GTPBP2: variants seen among roughly 807,000 people sequenced by gnomAD.
GTPBP2 encodes GTP-binding protein 2.
A neutral mutation model predicts 63.0 loss-of-function variants in GTPBP2; 32 were observed. The ratio of observed to expected loss-of-function variants is 0.51; its 90% confidence interval spans 0.38 to 0.68. The LOEUF (loss-of-function observed/expected upper bound fraction) is 0.68. GTPBP2 is among the 30% of genes least tolerant of loss of function. GTPBP2 has a pLI of 0.00. For missense variants in GTPBP2, 492 were observed against 796.9 expected (o/e 0.62, Z 4.61); for synonymous variants, 310 against 322.6 (o/e 0.96, Z 0.42).
At position 43,626,313 on chromosome 6, in the gene GTPBP2, A is replaced by G; in HGVS notation, c.311T>C (p.Ile104Thr). The G allele has an allele frequency of 1.2e-6, 2 of 1,613,728 alleles. No individual in the cohort carries two copies. The highest frequency in any genetic ancestry group is 1.7e-6 in the Non-Finnish European group (2 of 1,179,604). The change falls in exon 3 of 12, where the codon ATT becomes ACT. Residue 104 changes from isoleucine (I) to threonine (T), a missense_variant. Coordinates refer to ENST00000307126, the MANE Select transcript of GTPBP2 (RefSeq NM_019096.5). The surrounding 1 kb of genome is among the most constrained non-coding windows in gnomAD (Gnocchi z 4.0). The stretch of plus-strand genomic sequence containing the variant: ...CAGCAGCCCATTGTCCTCTACCCCA[A>G]TCTGGTAGACGGCCTCACCACGTCC... ...QEGRGEAVYQIGVEDNGLLVG... is the reference protein window; with the variant it reads ...QEGRGEAVYQTGVEDNGLLVG...
In GTPBP2 at chr6:43,629,129, A is replaced by AGCC. The variant is rs1769710788; in HGVS notation, c.31_33dup (p.Gly11dup). 1.4e-6 allele frequency: 2 copies of AGCC among 1,471,532 alleles called. No homozygotes were observed. The highest frequency in any genetic ancestry group is 1.8e-6 in the Non-Finnish European group (2 of 1,112,150). 91.2% of individuals were successfully genotyped at this position (1,471,532 alleles called of 1,614,324 possible). ...GCCGGGCCCCCTCCGGGCCGGCAGC[A>AGCC]GCCGCCGAACAGCTCCGATACCCGC... On this transcript the variant is annotated inframe_insertion, in exon 1 of 12. Transcript: ENST00000307126.
intron 1 of GTPBP2, among the ~76,000 whole-genome samples, chr6:43,628,293 G>A (rs1040982037): frequency 6.6e-6 from 1 of 152,192 alleles, no homozygotes; most frequent in Non-Finnish European, 1.5e-5. Flanking sequence ...GAGAACCCGG[G>A]AGGCCGAGGT....
rs1208269604 is a variant in GTPBP2 at position 43,629,095 on chromosome 6, C to T, written c.68G>A (p.Gly23Glu). 3.2e-6 allele frequency: 5 copies of T among 1,569,502 alleles called. No homozygotes were observed. Among genetic ancestry groups the T allele is most frequent in the Non-Finnish European group, 4.3e-6 (5 of 1,160,738 alleles). The change falls in exon 1 of 12, where the codon GGA becomes GAA. Residue 23 changes from glycine (G) to glutamate (E), a missense_variant. Around this residue, in one of 2 missense-constraint regions of GTPBP2, gnomAD observed 92 missense variants for 86.1 expected, o/e 1.07. Coordinates refer to ENST00000307126, the MANE Select transcript of GTPBP2 (RefSeq NM_019096.5). ...CRPGGGPAVG[G>E]TLKARGAGSS... Reference sequence around the variant, plus strand: ...GCCGGCCCCCCTAGCCTTGAGGGTTCCGCCCACGGCCGGGCCCCCTCCGGG... The same window carrying T: ...GCCGGCCCCCCTAGCCTTGAGGGTTTCGCCCACGGCCGGGCCCCCTCCGGG...
chr6:43,624,765 A>C lies in GTPBP2; in HGVS notation c.881-36T>G. The C allele has an allele frequency of 6.2e-7, 1 of 1,600,204 alleles. No homozygotes were observed. The highest frequency in any genetic ancestry group is 8.6e-7 in the Non-Finnish European group (1 of 1,168,142). On this transcript the variant is annotated intron_variant, in intron 6 of 11. Transcript: ENST00000307126. The surrounding 1 kb of genome is among the most constrained non-coding windows in gnomAD (Gnocchi z 5.1). ...AGGACAGCAAGCAGCAGGAGAGAAG[A>C]GTGAGAATGCAGGAGGGAGGAGAGG... is the stretch of plus-strand genomic sequence containing the variant.
chr6:43,624,915 G>A lies in GTPBP2; in HGVS notation c.853C>T (p.Leu285Phe), dbSNP rs1228428698. The change falls in exon 6 of 12, where the codon CTC becomes TTC. Residue 285 changes from leucine (L) to phenylalanine (F), a missense_variant. Coordinates refer to ENST00000307126, the MANE Select transcript of GTPBP2 (RefSeq NM_019096.5). This position sits in a 1 kb window ranked among gnomAD's most constrained non-coding sequence, Gnocchi z 5.1. ...ATCCCAGTGTTGGCACTGACGAGGA[G>A]CAGGGCGCAGTCGGGGCAGTATGAT... ...LTSYCPDCAL[L>F]LVSANTGIAG... 1.2e-6 allele frequency: 2 copies of A among 1,614,144 alleles called. No individual in the cohort carries two copies. The highest frequency in any genetic ancestry group is 1.1e-5 in the South Asian group (1 of 91,086).
chr6:43,629,633 G>C, upstream of GTPBP2: 1 of 1,106,696 alleles, frequency 9.0e-7, no homozygotes, highest in Non-Finnish European at 1.3e-6. Flanking sequence ...GGCGCTCCGG[G>C]ATTTGGCCCT....
In GTPBP2 at chr6:43,625,206, A is replaced by T; in HGVS notation, c.706-144T>A. 9.8e-7 allele frequency: 1 copy of T among 1,023,158 alleles called. No homozygotes were observed. Among genetic ancestry groups the T allele is most frequent in the East Asian group, 2.4e-5 (1 of 42,046 alleles). The allele number at this position is 1,023,158 out of a possible 1,614,324, so 63.4% of individuals were successfully genotyped here. A position where few individuals can be genotyped will look rare whatever the true frequency, so the allele number is the denominator to read the frequency against. On this transcript the variant is annotated intron_variant, in intron 5 of 11. Coordinates refer to ENST00000307126, the MANE Select transcript of GTPBP2 (RefSeq NM_019096.5). This position sits in a 1 kb window ranked among gnomAD's most constrained non-coding sequence, Gnocchi z 5.1. Reference sequence around the variant, plus strand: ...ATTTAATTTAGTTGATTCCCCATTGATTTCCTAAGAGGGGCAGAGCTTGTT... The same window carrying T: ...ATTTAATTTAGTTGATTCCCCATTGTTTTCCTAAGAGGGGCAGAGCTTGTT...
In GTPBP2 at chr6:43,626,888, C is replaced by T. The variant is rs1283969930; in HGVS notation, c.213+34G>A. On this transcript the variant is annotated intron_variant, in intron 2 of 11. Transcript: ENST00000307126. This position sits in a 1 kb window ranked among gnomAD's most constrained non-coding sequence, Gnocchi z 4.0. ...TCCCACACTGGCAAGGACAACCTAC[C>T]CCAGCCCCTGCTTTTCCCCAGCCTA... 6.4e-7 allele frequency: 1 copy of T among 1,559,958 alleles called. No homozygotes were observed. The highest frequency in any genetic ancestry group is 1.1e-5 in the South Asian group (1 of 87,334).
Position 43,627,852 on chromosome 6 carries a change from T to C in GTPBP2, c.187-904A>G, listed in dbSNP as rs2232210. Reference sequence around the variant, plus strand: ...GTCTTCACTCATAATCTCCACTTCATGGTGTGTTAAGGAGATTATTTTTTT... The same window carrying C: ...GTCTTCACTCATAATCTCCACTTCACGGTGTGTTAAGGAGATTATTTTTTT... On this transcript the variant is annotated intron_variant, in intron 1 of 11. Coordinates refer to ENST00000307126, the MANE Select transcript of GTPBP2 (RefSeq NM_019096.5). Among the ~76,000 whole-genome samples, 51 of 152,254 alleles carry C rather than the reference T, an allele frequency of 3.3e-4. No individual in the cohort carries two copies. The East Asian group carries it at 5.6e-3, about 17-fold the overall frequency.
intron 1 of GTPBP2, 73 bp downstream of exon 1, chr6:43,628,903 TG>T (rs1461685298): frequency 1.4e-6 from 2 of 1,477,220 alleles, no homozygotes; most frequent in Non-Finnish European, 9.5e-7. Context: ...ATTAATTATC[TG>T]GGTCCCGCCT....
rs79987635 is a variant in GTPBP2, at chr6:43,626,625, T to C, written c.214-215A>G. Among the ~76,000 whole-genome samples the C allele has an allele frequency of 0.033, 5,017 of 152,188 alleles. 269 individuals are homozygous for C. Among genetic ancestry groups the C allele is most frequent in the African/African-American group, 0.11 (4,633 of 41,528 alleles). On this transcript the variant is annotated intron_variant, in intron 2 of 11. Transcript: ENST00000307126. This position sits in a 1 kb window ranked among gnomAD's most constrained non-coding sequence, Gnocchi z 4.0. ...AGTTGGAAGGCTCTCAGAGAACTTATCCCATGCTGGTGGATCACCAGAGGT... is the reference window on the plus strand; with the variant it reads ...AGTTGGAAGGCTCTCAGAGAACTTACCCCATGCTGGTGGATCACCAGAGGT...
rs1769062050 is a variant in GTPBP2, at chr6:43,623,916, T to A, written c.1236+17A>T. 6.2e-7 allele frequency: 1 copy of A among 1,613,754 alleles called. No individual in the cohort carries two copies. The highest frequency in any genetic ancestry group is 8.5e-7 in the Non-Finnish European group (1 of 1,179,742). On this transcript the variant is annotated intron_variant, in intron 8 of 11. Coordinates refer to ENST00000307126, the MANE Select transcript of GTPBP2 (RefSeq NM_019096.5). ...TCCCTGTTTCCCAGCCTATTAGATG[T>A]TTGGGCAGTCAACTACCTGGAACTC...
At chr6:43,628,849 C>G in intron 1 of GTPBP2, 128 bp downstream of exon 1, 1 of 1,048,470 alleles carries the variant, frequency 9.5e-7, no homozygotes, top group Non-Finnish European at 1.5e-6. Flanking sequence ...AGGTGTTCTC[C>G]TCCCGTGCCC....
chr6:43,622,501 A>C lies in GTPBP2; in HGVS notation c.1467+132T>G. ...TTTTTATAGTCTACGTAGCTAGACC[A>C]GAAGCTTCTTGGGTCAGAGAGTGTG... On this transcript the variant is annotated intron_variant, in intron 10 of 11. Coordinates refer to ENST00000307126, the MANE Select transcript of GTPBP2 (RefSeq NM_019096.5). This position sits in a 1 kb window ranked among gnomAD's most constrained non-coding sequence, Gnocchi z 5.4. The C allele has an allele frequency of 2.4e-6, 2 of 840,414 alleles. No individual in the cohort carries two copies. Among genetic ancestry groups the C allele is most frequent in the Non-Finnish European group, 3.8e-6 (2 of 522,122 alleles). 52.1% of individuals were successfully genotyped at this position (840,414 alleles called of 1,614,324 possible).
At chr6:43,627,239 G>T in intron 1 of GTPBP2, 1 of 1,083,066 alleles carries the variant, frequency 9.2e-7, no homozygotes, top group Non-Finnish European at 1.2e-6. Context: ...CTTCCTAGAT[G>T]CAAGATCATC....
chr6:43,625,697 G>T lies in GTPBP2; in HGVS notation c.507+59C>A. On this transcript the variant is annotated intron_variant, in intron 4 of 11. Coordinates refer to ENST00000307126, the MANE Select transcript of GTPBP2 (RefSeq NM_019096.5). This position sits in a 1 kb window ranked among gnomAD's most constrained non-coding sequence, Gnocchi z 5.1. ...AGGATCCCAGGCCAGGAGACAGCCT[G>T]CCACCACAGGGCCCTTCCACAGTGT... 6.9e-7 allele frequency: 1 copy of T among 1,457,302 alleles called. No individual in the cohort carries two copies. The highest frequency in any genetic ancestry group is 9.6e-7 in the Non-Finnish European group (1 of 1,036,976). The allele number at this position is 1,457,302 out of a possible 1,614,324, so 90.3% of individuals were successfully genotyped here. A position where few individuals can be genotyped will look rare whatever the true frequency, so the allele number is the denominator to read the frequency against.
intron 1 of GTPBP2, among the ~76,000 whole-genome samples, chr6:43,627,552 C>T (rs2232213): frequency 0.053 from 8,132 of 152,216 alleles, 314 homozygotes; most frequent in African/African-American, 0.1. Context: ...TGTAATGAAG[C>T]GGACAGACTC....
At chr6:43,630,295 AG>A (rs1322216289), upstream of GTPBP2, among the ~76,000 whole-genome samples, 3 of 152,228 alleles carry the variant, frequency 2.0e-5, no homozygotes, top group East Asian at 5.8e-4. Flanking sequence ...ACAGAAAGGC[AG>A]GGTGGAAAAG....
Position 43,629,146 on chromosome 6 carries a change from G to A in GTPBP2, c.17C>T (p.Ser6Leu), listed in dbSNP as rs780977455. The A allele has an allele frequency of 1.3e-5, 18 of 1,397,842 alleles. No homozygotes were observed. Among genetic ancestry groups the A allele is most frequent in the Non-Finnish European group, 1.7e-5 (18 of 1,074,746 alleles). 86.6% of individuals were successfully genotyped at this position (1,397,842 alleles called of 1,614,324 possible). A position where few individuals can be genotyped will look rare whatever the true frequency, so the allele number is the denominator to read the frequency against. MDSRV[S>L]ELFGGCCRPG... ...CCGGCAGCAGCCGCCGAACAGCTCC[G>A]ATACCCGCGAGTCCATCCGCCGCTG... The change falls in exon 1 of 12, where the codon TCG (serine) becomes TTG (leucine). Residue 6 changes from serine to leucine, a missense_variant. Physicochemically the swap from Ser to Leu is moderately radical, Grantham distance 145. This residue lies in a region of GTPBP2 where 92 missense variants were observed against 86.1 expected (regional missense o/e 1.07). Transcript: ENST00000307126.
Sources: gnomAD v4.1 joint callset for allele counts (sites outside exome capture counted in the v4.1 genomes callset) on GRCh38, gnomAD v4.1.1 for gene constraint, gnomAD v4.1.1 regional missense constraint, Gnocchi (gnomAD v3.1) non-coding constraint, MANE v1.5 for transcripts, NCBI Gene and HGNC (gene_info 2026-07-23, HGNC 2026-07-21) for gene names.